BAZ2B: variants seen among roughly 807,000 people sequenced by gnomAD.
BAZ2B encodes bromodomain adjacent to zinc finger domain 2B.
A neutral mutation model predicts 246.0 loss-of-function variants in BAZ2B; 91 were observed. The observed-to-expected ratio is 0.37, with a 90% confidence interval of 0.31 to 0.44. BAZ2B has a LOEUF of 0.44. Among genes scored for constraint, BAZ2B ranks in the 20% least tolerant of loss-of-function variants. The pLI is 1.00. For synonymous variants in BAZ2B, 855 were observed against 860.0 expected (o/e 0.99, Z 0.10); for missense variants, 2,332 against 2,533.7 (o/e 0.92, Z 1.71).
chr2:159,383,827 T>C lies in BAZ2B; in HGVS notation c.3687-147A>G, dbSNP rs150132394. ...CTGACCTCATGCATATACACGTTCA[T>C]ATATGTATGTGTTTATATATGTATA... On this transcript the variant is annotated intron_variant, in intron 23 of 36. Coordinates refer to ENST00000392783, the MANE Select transcript of BAZ2B (RefSeq NM_013450.4). The C allele has an allele frequency of 2.9e-4, 182 of 636,568 alleles. No homozygotes were observed. In the East Asian group the frequency reaches 4.9e-3, roughly 17 times the overall value. The allele number at this position is 636,568 out of a possible 1,614,324, so 39.4% of individuals were successfully genotyped here. A position where few individuals can be genotyped will look rare whatever the true frequency, so the allele number is the denominator to read the frequency against.
intron 2 of BAZ2B, among the ~76,000 whole-genome samples, chr2:159,529,399 T>G (rs2085119006): frequency 6.6e-6 from 1 of 152,136 alleles, no homozygotes; most frequent in Non-Finnish European, 1.5e-5. Flanking sequence ...GCTCACCAAC[T>G]CTAGCCATCC....
At chr2:159,631,507 A>G in the BAZ2B span, among the ~76,000 whole-genome samples, 3 of 152,292 alleles carry the variant, frequency 2.0e-5, no homozygotes, top group Non-Finnish European at 4.4e-5. Flanking sequence ...ATATTCAAAA[A>G]TGAGCTTAGA....
At chr2:159,349,308 A>G in intron 28 of BAZ2B, 28 bp from the exon 29 acceptor site, 2 of 1,558,934 alleles carry the variant, frequency 1.3e-6, no homozygotes, top group Non-Finnish European at 1.7e-6. Context: ...TTATTAATGA[A>G]AAGTAGATTA....
intron 2 of BAZ2B, among the ~76,000 whole-genome samples, chr2:159,523,162 G>T (rs1255541169): frequency 6.6e-6 from 1 of 152,144 alleles, no homozygotes; most frequent in African/African-American, 2.4e-5. Context: ...CAGCTACTCA[G>T]GAGGCTGAGA....
chr2:159,408,928 A>C (rs1398469808), intron 14 of BAZ2B, among the ~76,000 whole-genome samples: 1 of 152,176 alleles, frequency 6.6e-6, no homozygotes, highest in Non-Finnish European at 1.5e-5. Flanking sequence ...TCAAAATAAA[A>C]ATAAAGAAAA....
the BAZ2B span, among the ~76,000 whole-genome samples, chr2:159,657,429 G>A: frequency 1.3e-5 from 2 of 152,030 alleles, no homozygotes; most frequent in African/African-American, 2.4e-5. Flanking sequence ...CTTCAATATC[G>A]TCTTGGCTTT....
At chr2:159,467,425 C>A (rs1444711579) in intron 3 of BAZ2B, among the ~76,000 whole-genome samples, 4 of 152,096 alleles carry the variant, frequency 2.6e-5, no homozygotes, top group African/African-American at 4.8e-5. Context: ...GCCTTTCCCC[C>A]CCAGGTTTCT....
chr2:159,683,605 T>C, the BAZ2B span, among the ~76,000 whole-genome samples: 2 of 152,128 alleles, frequency 1.3e-5, no homozygotes, highest in African/African-American at 4.8e-5. Context: ...TAGTTCCTCA[T>C]GTCAGAAGCG....
At chr2:159,631,899 T>C in the BAZ2B span, among the ~76,000 whole-genome samples, 1 of 148,372 alleles carries the variant, frequency 6.7e-6, no homozygotes. Flanking sequence ...TATATATATA[T>C]ATGTACATCT....
At chr2:159,389,261 T>C (rs1399969295) in intron 21 of BAZ2B, 84 bp downstream of exon 21, 3 of 1,336,644 alleles carry the variant, frequency 2.2e-6, no homozygotes, top group African/African-American at 3.0e-5. Flanking sequence ...GCTTTCACAA[T>C]AGCAGCTCTG....
At chr2:159,452,291 A>G (rs1226911851) in intron 4 of BAZ2B, among the ~76,000 whole-genome samples, 1 of 152,240 alleles carries the variant, frequency 6.6e-6, no homozygotes, top group Non-Finnish European at 1.5e-5. Flanking sequence ...ATTAACCATT[A>G]AAGTGGGCAA....
intron 1 of BAZ2B, among the ~76,000 whole-genome samples, chr2:159,583,100 C>A (rs1053725050): frequency 2.2e-5 from 3 of 139,524 alleles, no homozygotes; most frequent in East Asian, 2.3e-4. Flanking sequence ...GAAATATATT[C>A]TTTTTTCTTT....
intron 25 of BAZ2B, among the ~76,000 whole-genome samples, chr2:159,375,788 G>A (rs867859064): frequency 3.9e-5 from 6 of 152,286 alleles, no homozygotes; most frequent in African/African-American, 1.4e-4. Flanking sequence ...AGAGGGGCAA[G>A]GGAGATGATG....
chr2:159,640,968 GA>G, the BAZ2B span, among the ~76,000 whole-genome samples: 2 of 150,134 alleles, frequency 1.3e-5, no homozygotes, highest in African/African-American at 4.9e-5. Flanking sequence ...ATTGTTTTTT[GA>G]AAAAAATAAA....
At chr2:159,526,978 T>C (rs541218102) in intron 2 of BAZ2B, among the ~76,000 whole-genome samples, 21 of 151,922 alleles carry the variant, frequency 1.4e-4, no homozygotes, top group African/African-American at 4.8e-4. Flanking sequence ...AACTGCAAAC[T>C]ATTTTTCAGA....
At chr2:159,357,675 A>G (rs1381948635) in intron 27 of BAZ2B, among the ~76,000 whole-genome samples, 1 of 152,194 alleles carries the variant, frequency 6.6e-6, no homozygotes. Flanking sequence ...AGATTCACCA[A>G]GGTTGAAATG....
chr2:159,381,045 C>A (rs2061942476), intron 25 of BAZ2B, among the ~76,000 whole-genome samples: 1 of 152,182 alleles, frequency 6.6e-6, no homozygotes, highest in Admixed American at 6.5e-5. Flanking sequence ...TCTAACCTCT[C>A]TGCTCTTGCT....
chr2:159,551,079 C>A (rs1035451496), intron 2 of BAZ2B, among the ~76,000 whole-genome samples: 2 of 152,106 alleles, frequency 1.3e-5, no homozygotes, highest in African/African-American at 4.8e-5. Flanking sequence ...CTCAAGCAAT[C>A]CCCCCTGTTG....
intron 31 of BAZ2B, among the ~76,000 whole-genome samples, chr2:159,342,025 A>G (rs1335976814): frequency 6.6e-6 from 1 of 152,248 alleles, no homozygotes; most frequent in Non-Finnish European, 1.5e-5. Flanking sequence ...AGATCAGAGC[A>G]GAAATAAACC....
Sources: gnomAD v4.1 joint callset for allele counts (sites outside exome capture counted in the v4.1 genomes callset) on GRCh38, gnomAD v4.1.1 for gene constraint, MANE v1.5 for transcripts, NCBI Gene and HGNC (gene_info 2026-07-23, HGNC 2026-07-21) for gene names.